The following PKHD1L1 variants were observed in gnomAD, a reference collection of about 807,000 sequenced individuals.
PKHD1L1 encodes fibrocystin-L.
PKHD1L1 carries 434 observed loss-of-function variants against 462.9 expected under a neutral mutation model. That is an observed-to-expected ratio of 0.94 (90% CI 0.87 to 1.02). PKHD1L1 has a LOEUF of 1.02. PKHD1L1 is among the 50% of genes least tolerant of loss of function. The pLI is 0.00. For missense variants in PKHD1L1, 5,202 were observed against 5,096.1 expected (o/e 1.02, Z -0.63); for synonymous variants, 1,781 against 1,750.0 (o/e 1.02, Z -0.44).
intron 4 of PKHD1L1, among the ~76,000 whole-genome samples, chr8:109,383,567 A>G (rs1428278044): frequency 5.4e-5 from 8 of 148,358 alleles, no homozygotes; most frequent in Non-Finnish European, 8.9e-5. Flanking sequence ...GTTCTAATAT[A>G]AGATGAAATA....
intron 2 of PKHD1L1, among the ~76,000 whole-genome samples, chr8:109,367,369 G>T (rs955064728): frequency 6.6e-5 from 10 of 152,102 alleles, no homozygotes; most frequent in Non-Finnish European, 1.5e-4. Context: ...CTACCTATTG[G>T]CTTCATATTA....
At chr8:109,445,813 T>A (rs1430674180) in intron 38 of PKHD1L1, among the ~76,000 whole-genome samples, 168 bp downstream of exon 38, 6 of 152,118 alleles carry the variant, frequency 3.9e-5, no homozygotes, top group Admixed American at 3.9e-4. Context: ...TGTATGATTA[T>A]TTTTCACACA....
intron 16 of PKHD1L1, 28 bp from the exon 17 acceptor site, chr8:109,406,299 CTGTTTGTT>C (rs760802572): frequency 1.3e-6 from 2 of 1,517,362 alleles, no homozygotes; most frequent in Non-Finnish European, 1.8e-6. Context: ...TTCAACTTTT[CTGTTTGTT>C]TGTTTGTTTG....
intron 7 of PKHD1L1, 103 bp from the exon 8 acceptor site, chr8:109,388,976 C>A (rs1812572614): frequency 2.6e-6 from 2 of 772,104 alleles, no homozygotes; most frequent in Admixed American, 3.2e-5. Flanking sequence ...CAATTTCTGT[C>A]CTGATTCATA....
At chr8:109,370,754 TG>T (rs1385291333) in intron 2 of PKHD1L1, among the ~76,000 whole-genome samples, 1 of 151,972 alleles carries the variant, frequency 6.6e-6, no homozygotes, top group East Asian at 1.9e-4. Context: ...TGAGAACATG[TG>T]GTGTTTGGTT....
chr8:109,413,658 G>A, intron 21 of PKHD1L1, 113 bp downstream of exon 21: 9 of 728,648 alleles, frequency 1.2e-5, no homozygotes, highest in East Asian at 3.4e-5. Context: ...GGGAGATGAG[G>A]GCAAATAATG....
At chr8:109,448,018 A>T in intron 38 of PKHD1L1, 125 bp from the exon 39 acceptor site, 1 of 816,048 alleles carries the variant, frequency 1.2e-6, no homozygotes, top group Non-Finnish European at 1.9e-6. Flanking sequence ...ATGTATTGTT[A>T]ATATTTATAT....
chr8:109,454,623 C>G lies in PKHD1L1; in HGVS notation c.6745-100C>G, dbSNP rs1329659048. The G allele has an allele frequency of 3.4e-5, 50 of 1,486,148 alleles. No homozygotes were observed. The South Asian group carries it at 5.6e-4, about 17-fold the overall frequency. 92.1% of individuals were successfully genotyped at this position (1,486,148 alleles called of 1,614,324 possible). On this transcript the variant is annotated intron_variant, in intron 44 of 77. Transcript: ENST00000378402. ...TATGAACAACTGAGCAATTAATTCT[C>G]AAAAGAGAAGAGAGGATAGAAAAGA...
chr8:109,416,573 A>C (rs570933287), intron 21 of PKHD1L1, among the ~76,000 whole-genome samples: 2 of 152,332 alleles, frequency 1.3e-5, no homozygotes, highest in Admixed American at 6.5e-5. Context: ...GCCATTACAT[A>C]GTTCAATCCT....
At chr8:109,515,121 A>T (rs1279830984) in intron 71 of PKHD1L1, 49 bp from the exon 72 acceptor site, 2 of 1,372,908 alleles carry the variant, frequency 1.5e-6, no homozygotes, top group Non-Finnish European at 2.0e-6. Context: ...GTGCTAAATT[A>T]CAAATATTCT....
chr8:109,508,071 TA>T, intron 69 of PKHD1L1, 25 bp from the exon 70 acceptor site: 1 of 1,562,478 alleles, frequency 6.4e-7, no homozygotes, highest in Non-Finnish European at 8.7e-7. Context: ...GTATTATTGC[TA>T]AAATATATAT....
Position 109,388,488 on chromosome 8 carries a change from T to C in PKHD1L1, c.570-9T>C. The C allele has an allele frequency of 6.7e-7, 1 of 1,496,606 alleles. No individual in the cohort carries two copies. The highest frequency in any genetic ancestry group is 2.0e-5 in the Admixed American group (1 of 49,758). The allele number at this position is 1,496,606 out of a possible 1,614,324, so 92.7% of individuals were successfully genotyped here. On this transcript the variant is annotated splice_polypyrimidine_tract_variant and intron_variant, in intron 6 of 77. Transcript: ENST00000378402. ...AACTTGATTTTTTCTAATAAAAATA[T>C]TTGTACAGAGTTTACATTGGAGGAA...
intron 51 of PKHD1L1, 59 bp downstream of exon 51, chr8:109,475,328 C>A: frequency 7.7e-7 from 1 of 1,293,130 alleles, no homozygotes; most frequent in Non-Finnish European, 1.0e-6. Flanking sequence ...CAGCCTACAT[C>A]CTCATACTTA....
chr8:109,420,572 A>C lies in PKHD1L1; in HGVS notation c.2579A>C (p.His860Pro). ...ALANKGIFLEHFQVNQTKTNG... is the reference protein window; with the variant it reads ...ALANKGIFLEPFQVNQTKTNG... ...GCAAATAAAGGAATATTCTTAGAGCACTTTCAGGTGAATCAGACCAAAACA... is the reference window on the plus strand; with the variant it reads ...GCAAATAAAGGAATATTCTTAGAGCCCTTTCAGGTGAATCAGACCAAAACA... The change falls in exon 23 of 78, where the codon CAC (histidine) becomes CCC (proline). Residue 860 changes from histidine (H) to proline (P), a missense_variant. Physicochemically the swap from His to Pro is moderately conservative, Grantham distance 77 (BLOSUM62 -2). This residue lies in a region of PKHD1L1 where 4,497 missense variants were observed against 4,336.8 expected (regional missense o/e 1.04). Transcript: ENST00000378402. 1 of 1,609,916 alleles carries C rather than the reference A, an allele frequency of 6.2e-7. No individual in the cohort carries two copies. The highest frequency in any genetic ancestry group is 8.5e-7 in the Non-Finnish European group (1 of 1,178,256).
intron 45 of PKHD1L1, among the ~76,000 whole-genome samples, 197 bp downstream of exon 45, chr8:109,455,049 A>G (rs1816743650): frequency 6.6e-6 from 1 of 152,202 alleles, no homozygotes; most frequent in South Asian, 2.1e-4. Context: ...ATCAAGACTC[A>G]GAACCAGGCC....
At chr8:109,454,959 G>C (rs117126397) in intron 45 of PKHD1L1, 107 bp downstream of exon 45, 13,621 of 1,356,240 alleles carry the variant, frequency 0.01, 83 homozygotes, top group Non-Finnish European at 0.011. Context: ...AAGTGAAAGT[G>C]TGTTAGGCTT....
At chr8:109,393,669 C>T (rs940876313) in intron 9 of PKHD1L1, among the ~76,000 whole-genome samples, 1 of 152,006 alleles carries the variant, frequency 6.6e-6, no homozygotes, top group South Asian at 2.1e-4. Context: ...ACTCACTGTG[C>T]GATCTTAAGT....
intron 67 of PKHD1L1, chr8:109,499,019 T>A: frequency 2.2e-6 from 1 of 450,580 alleles, no homozygotes; most frequent in Non-Finnish European, 3.9e-6. Flanking sequence ...ACACTGGCAT[T>A]TGTGATTTAA....
chr8:109,408,017 G>A (rs762011117), intron 17 of PKHD1L1, 32 bp from the exon 18 acceptor site: 143 of 1,502,804 alleles, frequency 9.5e-5, no homozygotes, highest in South Asian at 3.1e-4. Flanking sequence ...ATTAGTTAAT[G>A]TCTACAAATT....
Sources: allele counts gnomAD v4.1 joint callset (sites outside exome capture counted in the v4.1 genomes callset), GRCh38; gene constraint gnomAD v4.1.1; regional missense constraint gnomAD v4.1.1; transcripts MANE v1.5; gene names NCBI Gene and HGNC (gene_info 2026-07-23, HGNC 2026-07-21).